EPB41L5: variants seen among roughly 807,000 people sequenced by gnomAD.
EPB41L5 encodes band 4.1-like protein 5.
EPB41L5 carries 55 observed loss-of-function variants against 106.6 expected under a neutral mutation model. The observed-to-expected ratio is 0.52, with a 90% CI of 0.42 to 0.65. EPB41L5 has a LOEUF of 0.65. Among genes scored for constraint, EPB41L5 ranks in the 30% least tolerant of loss-of-function variants. The probability of loss-of-function intolerance (pLI) is 0.00; values close to 1 mark genes in which losing one functional copy is unlikely to be tolerated. For missense variants in EPB41L5, 871 were observed against 882.1 expected (o/e 0.99, Z 0.16); for synonymous variants, 297 against 306.7 (o/e 0.97, Z 0.33).
chr2:120,091,649 C>G lies in EPB41L5; in HGVS notation c.1138C>G (p.Leu380Val), dbSNP rs917744295. Reference sequence around the variant, plus strand: ...CAGCAAACGATATTCTAGACGAACTCTACAAATGAAAGGTGAAGTGCAACC... The same window carrying G: ...CAGCAAACGATATTCTAGACGAACTGTACAAATGAAAGGTGAAGTGCAACC... The part of the protein sequence containing the change: ...RPSKRYSRRT[L>V]QMKACATKPE... Residue 380 changes from leucine to valine, a missense_variant, in exon 13 of 25, where the codon CTA becomes GTA. Leu to Val is a conservative substitution (Grantham distance 32). Coordinates refer to ENST00000263713, the MANE Select transcript of EPB41L5 (RefSeq NM_020909.4). 1.9e-6 allele frequency: 3 copies of G among 1,612,294 alleles called. No homozygotes were observed. The highest frequency in any genetic ancestry group is 2.5e-6 in the Non-Finnish European group (3 of 1,178,556).
At chr2:120,088,131 T>C (rs1188550307) in intron 11 of EPB41L5, among the ~76,000 whole-genome samples, 4 of 152,270 alleles carry the variant, frequency 2.6e-5, no homozygotes, top group Non-Finnish European at 5.9e-5. Context: ...TTTTTCTGTA[T>C]GTTTAAACAT....
Position 120,164,849 on chromosome 2 carries a change from A to C in EPB41L5, c.1901A>C (p.Glu634Ala). The change falls in exon 22 of 25, where the codon GAA (glutamate) becomes GCA (alanine). Residue 634 changes from glutamate (E) to alanine (A), a missense_variant. Glu to Ala is a moderately radical substitution (Grantham distance 107). Transcript: ENST00000263713. Reference protein sequence around the residue: ...SGSVLKEATDELDALLASLTE... With the variant: ...SGSVLKEATDALDALLASLTE... ...TGTCTTCCATAGGAAGCTACAGATG[A>C]ATTGGATGCCTTGCTTGCATCTCTA... The C allele has an allele frequency of 6.2e-7, 1 of 1,611,722 alleles. No homozygotes were observed. Among genetic ancestry groups the C allele is most frequent in the Non-Finnish European group, 8.5e-7 (1 of 1,178,916 alleles).
chr2:120,152,362 C>G (rs1686719167), intron 20 of EPB41L5, among the ~76,000 whole-genome samples: 1 of 152,152 alleles, frequency 6.6e-6, no homozygotes, highest in Non-Finnish European at 1.5e-5. Flanking sequence ...ACAAATCCTA[C>G]TTGGTCATGT....
intron 3 of EPB41L5, among the ~76,000 whole-genome samples, chr2:120,049,067 G>T (rs1381914768): frequency 4.6e-5 from 7 of 152,198 alleles, no homozygotes; most frequent in Non-Finnish European, 8.8e-5. Flanking sequence ...TTGCCGAGGA[G>T]TGCTTTACTT....
intron 2 of EPB41L5, among the ~76,000 whole-genome samples, chr2:120,040,472 C>G (rs940991582): frequency 1.6e-4 from 24 of 152,212 alleles, no homozygotes; most frequent in African/African-American, 5.5e-4. Flanking sequence ...AACTGTCATT[C>G]GAGTGAGGGC....
intron 2 of EPB41L5, among the ~76,000 whole-genome samples, chr2:120,034,897 TTTG>T (rs137907024): frequency 0.01 from 1,568 of 152,320 alleles, 24 homozygotes; most frequent in African/African-American, 0.036. Context: ...TTAGCAGTAC[TTTG>T]TTGTTGTTAC....
chr2:120,019,922 TTC>T (rs1677811059), intron 2 of EPB41L5, among the ~76,000 whole-genome samples: 1 of 152,120 alleles, frequency 6.6e-6, no homozygotes, highest in Non-Finnish European at 1.5e-5. Context: ...TTTTTTTTTT[TTC>T]AGAAATATAT....
At chr2:120,017,545 G>A (rs1174842588) in intron 1 of EPB41L5, among the ~76,000 whole-genome samples, 1 of 152,000 alleles carries the variant, frequency 6.6e-6, no homozygotes, top group Non-Finnish European at 1.5e-5. Flanking sequence ...TTGATTTTGT[G>A]TTTCCATTTA....
chr2:120,117,339 T>C (rs1427216136), intron 16 of EPB41L5, among the ~76,000 whole-genome samples: 1 of 152,202 alleles, frequency 6.6e-6, no homozygotes, highest in East Asian at 1.9e-4. Flanking sequence ...TAAGTGACAT[T>C]TAGTATTTCT....
Position 120,149,367 on chromosome 2 carries a change from A to G in EPB41L5, c.1793+3078A>G, listed in dbSNP as rs184435022. Among the ~76,000 whole-genome samples the G allele has an allele frequency of 4.3e-3, 660 of 152,286 alleles. 7 individuals are homozygous for G. Among genetic ancestry groups the G allele is most frequent in the Non-Finnish European group, 5.4e-3 (369 of 68,024 alleles). On this transcript the variant is annotated intron_variant, in intron 20 of 24. Coordinates refer to ENST00000263713, the MANE Select transcript of EPB41L5 (RefSeq NM_020909.4). ...CTCAAAAAGAAATCCCCTGCTCTTT[A>G]ACTGTAACCCCATCTACCCTGCACT...
rs1320512408 is a variant in EPB41L5 at position 120,053,840 on chromosome 2, T to A, written c.285+11730T>A. ...ACTTGGGGAGGCTGAGATGGGTGGA[T>A]TGCTTGAGCCCAGGAGTTCGAGACC... is the stretch of plus-strand genomic sequence containing the variant. On this transcript the variant is annotated intron_variant, in intron 3 of 24. Transcript: ENST00000263713. 2.0e-5 allele frequency among the ~76,000 whole-genome samples: 3 copies of A among 152,294 alleles called. No individual in the cohort carries two copies. The East Asian group carries it at 5.8e-4, about 29-fold the overall frequency.
At chr2:120,013,998 A>G (rs577480859) in intron 1 of EPB41L5, among the ~76,000 whole-genome samples, 15 of 152,328 alleles carry the variant, frequency 9.8e-5, no homozygotes, top group African/African-American at 3.4e-4. Context: ...TGTGCATGTA[A>G]TATGCTGTGC....
intron 16 of EPB41L5, among the ~76,000 whole-genome samples, chr2:120,110,093 A>G (rs1172960465): frequency 6.6e-6 from 1 of 152,240 alleles, no homozygotes; most frequent in Non-Finnish European, 1.5e-5. Context: ...TAATAGTGTT[A>G]TGCTACTACT....
At chr2:120,043,624 G>A (rs1354748235) in intron 3 of EPB41L5, among the ~76,000 whole-genome samples, 1 of 151,816 alleles carries the variant, frequency 6.6e-6, no homozygotes, top group Non-Finnish European at 1.5e-5. Context: ...TCTAGTTCCA[G>A]ATAGCTGGGA....
chr2:120,116,608 A>G (rs1684957125), intron 16 of EPB41L5, among the ~76,000 whole-genome samples: 1 of 152,130 alleles, frequency 6.6e-6, no homozygotes, highest in African/African-American at 2.4e-5. Context: ...TGCAGCCTCA[A>G]TCTCCTAGAC....
intron 14 of EPB41L5, among the ~76,000 whole-genome samples, chr2:120,093,759 A>G (rs1047703586): frequency 6.6e-6 from 1 of 152,050 alleles, no homozygotes; most frequent in Non-Finnish European, 1.5e-5. Context: ...TTATAATGTC[A>G]TTGTCTGGTT....
At chr2:120,168,106 C>T (rs1687499002) in intron 24 of EPB41L5, 99 bp downstream of exon 24, 1 of 1,334,522 alleles carries the variant, frequency 7.5e-7, no homozygotes, top group South Asian at 1.5e-5. Flanking sequence ...CAATTCTTCC[C>T]TAACTGAACT....
At chr2:120,042,995 A>ATGTG (rs60253351) in intron 3 of EPB41L5, among the ~76,000 whole-genome samples, 1,749 of 69,938 alleles carry the variant, frequency 0.025, 46 homozygotes, top group African/African-American at 0.061. Flanking sequence ...TTTTCTGGAA[A>ATGTG]TGTGTGTGTG....
intron 2 of EPB41L5, among the ~76,000 whole-genome samples, chr2:120,030,524 C>T (rs1456459405): frequency 6.6e-6 from 1 of 152,092 alleles, no homozygotes; most frequent in Non-Finnish European, 1.5e-5. Flanking sequence ...TCAGCATTCC[C>T]CTCTTCCCAA....
Sources: allele counts gnomAD v4.1 joint callset (sites outside exome capture counted in the v4.1 genomes callset), GRCh38; gene constraint gnomAD v4.1.1; transcripts MANE v1.5; gene names NCBI Gene and HGNC (gene_info 2026-07-23, HGNC 2026-07-21).